Variants in ATXN7 observed in about 807,000 individuals in gnomAD.
The protein encoded by ATXN7 is ataxin 7, also known as ataxin-7.
Under a neutral mutation model 70.5 loss-of-function variants are expected in ATXN7, and 12 were observed. That is an observed-to-expected ratio of 0.17 (90% confidence interval 0.11 to 0.28). The LOEUF is 0.28. ATXN7 is among the 10% of genes least tolerant of loss of function. ATXN7 has a pLI of 1.00. For synonymous variants in ATXN7, 498 were observed against 448.7 expected, an observed-to-expected ratio of 1.11 and a Z score of -1.39; for missense variants, 1,256 against 1,131.7, an observed-to-expected ratio of 1.11 and a Z score of -1.58.
chr3:63,886,291 G>A (rs961389712), intron 1 of ATXN7, among the ~76,000 whole-genome samples: 2 of 152,214 alleles, frequency 1.3e-5, no homozygotes, highest in South Asian at 2.1e-4. Context: ...TGATCAAAGA[G>A]TACAAGTTTC....
chr3:63,936,537 G>T (rs1394330170), intron 4 of ATXN7, among the ~76,000 whole-genome samples: 2 of 152,180 alleles, frequency 1.3e-5, no homozygotes, highest in African/African-American at 2.4e-5. Flanking sequence ...TCTTACGCTA[G>T]TCAAGAGACT....
chr3:63,886,443 CTTGAT>C (rs1330822988), intron 1 of ATXN7, among the ~76,000 whole-genome samples: 1 of 152,132 alleles, frequency 6.6e-6, no homozygotes, highest in East Asian at 1.9e-4. Context: ...TGCTCATTAG[CTTGAT>C]TTAATTATTT....
chr3:63,869,712 A>G (rs1702541576), intron 1 of ATXN7, among the ~76,000 whole-genome samples: 1 of 152,228 alleles, frequency 6.6e-6, no homozygotes, highest in Non-Finnish European at 1.5e-5. Flanking sequence ...GCTGTGAGCT[A>G]CCGCACCCTG....
chr3:63,884,431 A>G (rs1489541813), intron 1 of ATXN7, among the ~76,000 whole-genome samples: 2 of 152,166 alleles, frequency 1.3e-5, no homozygotes, highest in Admixed American at 1.3e-4. Flanking sequence ...AATATACAGT[A>G]TATATATTTT....
intron 1 of ATXN7, among the ~76,000 whole-genome samples, chr3:63,867,830 C>T (rs1249095128): frequency 6.6e-6 from 1 of 152,084 alleles, no homozygotes; most frequent in Non-Finnish European, 1.5e-5. Flanking sequence ...GCTGAGGTTG[C>T]AGTGAGCCGA....
chr3:63,988,463 G>GAAA, intron 9 of ATXN7, 139 bp downstream of exon 9: 1 of 913,682 alleles, frequency 1.1e-6, no homozygotes, highest in Non-Finnish European at 1.5e-6. Context: ...GTTTTACTAT[G>GAAA]AAAAAAAAAA....
At chr3:63,971,266 T>C (rs1471556381) in intron 5 of ATXN7, among the ~76,000 whole-genome samples, 3 of 152,210 alleles carry the variant, frequency 2.0e-5, no homozygotes, top group African/African-American at 7.2e-5. Context: ...AATTGTCCTT[T>C]GAGGCACTGC....
chr3:63,901,014 A>T (rs1261258209), intron 2 of ATXN7: 1 of 152,170 alleles, frequency 6.6e-6, no homozygotes, highest in Non-Finnish European at 1.5e-5. Flanking sequence ...CATTCAACAA[A>T]CATTTATTGG....
At chr3:63,899,061 C>CTTT (rs34396635) in intron 2 of ATXN7, among the ~76,000 whole-genome samples, 3 of 147,496 alleles carry the variant, frequency 2.0e-5, no homozygotes, top group Non-Finnish European at 3.0e-5. Flanking sequence ...AATGGAGTGT[C>CTTT]TTTTTTTTTT....
At chr3:63,915,639 T>C (rs1209223699) in intron 4 of ATXN7, among the ~76,000 whole-genome samples, 1 of 152,318 alleles carries the variant, frequency 6.6e-6, no homozygotes. Flanking sequence ...TGTAGATAAA[T>C]TGATCATGTG....
chr3:63,944,549 G>C (rs917323527), intron 4 of ATXN7, among the ~76,000 whole-genome samples: 1 of 152,108 alleles, frequency 6.6e-6, no homozygotes, highest in Non-Finnish European at 1.5e-5. Flanking sequence ...ATTTCATCCT[G>C]CTGTTCGGAA....
chr3:63,883,176 G>A (rs759733475), intron 1 of ATXN7, among the ~76,000 whole-genome samples: 3 of 152,194 alleles, frequency 2.0e-5, no homozygotes, highest in Non-Finnish European at 2.9e-5. Context: ...TTAATTGGAA[G>A]CACTAGGCAT....
upstream of ATXN7, chr3:63,863,345 T>A (rs1465312174): frequency 6.9e-6 from 5 of 727,262 alleles, no homozygotes; most frequent in African/African-American, 9.5e-5. Flanking sequence ...CCCCCAGCCC[T>A]AAGCCCGGCA....
intron 2 of ATXN7, chr3:63,903,598 T>C (rs2107275199): frequency 6.6e-6 from 1 of 152,286 alleles, no homozygotes; most frequent in Non-Finnish European, 1.5e-5. Flanking sequence ...TGAAAGTAGC[T>C]AACACACTGA....
intron 1 of ATXN7, among the ~76,000 whole-genome samples, chr3:63,866,498 C>T (rs917163131): frequency 3.9e-5 from 6 of 152,296 alleles, no homozygotes; most frequent in African/African-American, 1.4e-4. Context: ...TCAAGCGATC[C>T]TCCCGCCTCA....
intron 1 of ATXN7, among the ~76,000 whole-genome samples, chr3:63,873,078 T>G (rs1376348750): frequency 6.6e-6 from 1 of 152,190 alleles, no homozygotes; most frequent in East Asian, 1.9e-4. Flanking sequence ...TCTTAAAATT[T>G]TACATGAATT....
chr3:63,867,347 T>C (rs1702464535), intron 1 of ATXN7, among the ~76,000 whole-genome samples: 1 of 152,298 alleles, frequency 6.6e-6, no homozygotes, highest in East Asian at 1.9e-4. Context: ...TCTTTTTTCC[T>C]TTTTCTTTTG....
chr3:63,933,196 G>A (rs541135377), intron 4 of ATXN7, among the ~76,000 whole-genome samples: 1 of 152,190 alleles, frequency 6.6e-6, no homozygotes. Flanking sequence ...TTATGGCTAG[G>A]GACATGTTTC....
chr3:63,988,475 G>A (rs1394940423), intron 9 of ATXN7, 151 bp downstream of exon 9: 8 of 1,059,702 alleles, frequency 7.5e-6, no homozygotes, highest in Non-Finnish European at 1.1e-5. Context: ...AAAAAAAAAA[G>A]GAAAGGTTGA....
Sources: allele counts gnomAD v4.1 joint callset (sites outside exome capture counted in the v4.1 genomes callset), GRCh38; gene constraint gnomAD v4.1.1; transcripts MANE v1.5; gene names NCBI Gene and HGNC (gene_info 2026-07-23, HGNC 2026-07-21).